USP15: variants seen among roughly 807,000 people sequenced by gnomAD.
The protein encoded by USP15 is ubiquitin carboxyl-terminal hydrolase 15.
USP15 carries 18 observed loss-of-function variants against 127.1 expected under a neutral mutation model. That is an observed-to-expected ratio of 0.14 (90% CI 0.10 to 0.21). The LOEUF is 0.21. Ranked by LOEUF, USP15 falls within the 10% of genes least tolerant of loss-of-function variation. The pLI is 1.00. For missense variants in USP15, 805 were observed against 1,159.9 expected (o/e 0.69, Z 4.44); for synonymous variants, 364 against 393.7 (o/e 0.92, Z 0.89).
chr12:62,344,428 G>C (rs1257132949), intron 6 of USP15, among the ~76,000 whole-genome samples: 2 of 152,192 alleles, frequency 1.3e-5, no homozygotes, highest in Non-Finnish European at 2.9e-5. Flanking sequence ...CCACAGCCTT[G>C]AGCAGCTCTT....
chr12:62,279,322 C>T (rs1359862319), intron 1 of USP15, among the ~76,000 whole-genome samples: 2 of 152,104 alleles, frequency 1.3e-5, no homozygotes, highest in African/African-American at 4.8e-5. Flanking sequence ...CTGCATATGG[C>T]AGGATTTTCT....
At chr12:62,388,856 G>A (rs909557769) in intron 11 of USP15, among the ~76,000 whole-genome samples, 2 of 152,148 alleles carry the variant, frequency 1.3e-5, no homozygotes, top group African/African-American at 4.8e-5. Flanking sequence ...GGGGCCGGGT[G>A]CAGTGGCTCA....
At chr12:62,307,067 G>C (rs1161509110) in intron 3 of USP15, among the ~76,000 whole-genome samples, 1 of 152,136 alleles carries the variant, frequency 6.6e-6, no homozygotes, top group African/African-American at 2.4e-5. Flanking sequence ...TTATCCTACA[G>C]AACATTTGTG....
At chr12:62,270,039 T>TA (rs1220436748) in intron 1 of USP15, among the ~76,000 whole-genome samples, 1 of 152,060 alleles carries the variant, frequency 6.6e-6, no homozygotes, top group Non-Finnish European at 1.5e-5. Flanking sequence ...CGTCAGCACT[T>TA]ATGTTCTTTT....
At chr12:62,400,680 T>G (rs569285559) in intron 20 of USP15, among the ~76,000 whole-genome samples, 1 of 151,546 alleles carries the variant, frequency 6.6e-6, no homozygotes, top group East Asian at 1.9e-4. Flanking sequence ...CATAGAAAAT[T>G]TAATAATAAG....
chr12:62,381,158 C>T (rs888877807), intron 8 of USP15, among the ~76,000 whole-genome samples: 2 of 152,074 alleles, frequency 1.3e-5, no homozygotes, highest in Non-Finnish European at 2.9e-5. Context: ...GTAGACAATC[C>T]ATAATTTCTA....
chr12:62,401,631 C>T (rs2067692235), intron 21 of USP15, among the ~76,000 whole-genome samples: 1 of 151,694 alleles, frequency 6.6e-6, no homozygotes, highest in South Asian at 2.1e-4. Context: ...AAAAAAAATC[C>T]TTGAAGTACC....
chr12:62,312,122 T>C (rs2064697425), intron 3 of USP15, among the ~76,000 whole-genome samples: 1 of 151,862 alleles, frequency 6.6e-6, no homozygotes, highest in African/African-American at 2.4e-5. Context: ...GATCTAGGTC[T>C]AATTTATCTG....
At chr12:62,366,528 T>C (rs2066482949) in intron 8 of USP15, among the ~76,000 whole-genome samples, 1 of 152,332 alleles carries the variant, frequency 6.6e-6, no homozygotes, top group African/African-American at 2.4e-5. Flanking sequence ...TTTTCCTGTT[T>C]GAATACCCTT....
Position 62,390,526 on chromosome 12 carries a change from A to G in USP15, c.1845-338A>G, listed in dbSNP as rs74095744. Among the ~76,000 whole-genome samples, 449 of 152,246 alleles carry G rather than the reference A, an allele frequency of 2.9e-3. 3 individuals are homozygous for G. The highest frequency in any genetic ancestry group is 0.011 in the African/African-American group (438 of 41,558). On this transcript the variant is annotated intron_variant, in intron 14 of 21. Transcript: ENST00000280377. ...ATTCTTTCTTGCATATCTAATTATTATAGTTTCATAACCCATATATAAAGA... is the reference window on the plus strand; with the variant it reads ...ATTCTTTCTTGCATATCTAATTATTGTAGTTTCATAACCCATATATAAAGA...
intron 3 of USP15, among the ~76,000 whole-genome samples, chr12:62,305,086 G>C (rs2064441295): frequency 6.6e-6 from 1 of 152,030 alleles, no homozygotes; most frequent in Non-Finnish European, 1.5e-5. Context: ...CAGTAAGTAA[G>C]TTTAACATGC....
chr12:62,394,977 A>T (rs945362434), intron 19 of USP15, among the ~76,000 whole-genome samples: 4 of 152,180 alleles, frequency 2.6e-5, no homozygotes, highest in African/African-American at 9.7e-5. Flanking sequence ...AATAATAATA[A>T]GCTATTTACA....
chr12:62,330,962 G>A (rs2065280766), intron 6 of USP15, among the ~76,000 whole-genome samples: 1 of 149,726 alleles, frequency 6.7e-6, no homozygotes, highest in Non-Finnish European at 1.5e-5. Context: ...AGAAAAGCAT[G>A]TTATAAGCAC....
intron 1 of USP15, among the ~76,000 whole-genome samples, chr12:62,267,941 T>C (rs904987562): frequency 6.6e-6 from 1 of 152,114 alleles, no homozygotes; most frequent in Non-Finnish European, 1.5e-5. Context: ...TCAAGAGATT[T>C]GCCTTTGATA....
At chr12:62,354,518 CT>C (rs2066059850) in intron 7 of USP15, among the ~76,000 whole-genome samples, 1 of 151,788 alleles carries the variant, frequency 6.6e-6, no homozygotes, top group Admixed American at 6.6e-5. Context: ...AGAATCCATT[CT>C]TTTTCACAAA....
intron 1 of USP15, among the ~76,000 whole-genome samples, chr12:62,272,481 C>T (rs1420023786): frequency 3.3e-5 from 5 of 151,976 alleles, no homozygotes; most frequent in Non-Finnish European, 5.9e-5. Flanking sequence ...TGCTTTACTA[C>T]CTCTCTGGTT....
At chr12:62,354,225 C>T (rs1444351299) in intron 7 of USP15, among the ~76,000 whole-genome samples, 2 of 150,906 alleles carry the variant, frequency 1.3e-5, no homozygotes, top group Non-Finnish European at 3.0e-5. Context: ...AAAGTGAGAG[C>T]GTCCTATATG....
At chr12:62,304,976 T>A (rs1270585904) in intron 3 of USP15, 1 of 201,262 alleles carries the variant, frequency 5.0e-6, no homozygotes, top group Non-Finnish European at 1.0e-5. Context: ...AAGAGAAAAT[T>A]TGTAAACTAA....
intron 3 of USP15, among the ~76,000 whole-genome samples, chr12:62,309,253 T>TA (rs1280296905): frequency 1.3e-5 from 2 of 152,118 alleles, no homozygotes; most frequent in Non-Finnish European, 2.9e-5. Context: ...GGAAACATCA[T>TA]AGCAGAGTCT....
Sources: allele counts gnomAD v4.1 joint callset (sites outside exome capture counted in the v4.1 genomes callset), GRCh38; gene constraint gnomAD v4.1.1; transcripts MANE v1.5; gene names NCBI Gene and HGNC (gene_info 2026-07-23, HGNC 2026-07-21).